Variants in CASQ1 observed in about 807,000 individuals in gnomAD.
CASQ1 encodes calsequestrin 1.
A neutral mutation model predicts 49.5 loss-of-function variants in CASQ1; 40 were observed. The observed-to-expected ratio is 0.81, with a 90% CI of 0.63 to 1.05. CASQ1 has a LOEUF of 1.05. CASQ1 is among the 50% of genes least tolerant of loss of function. The probability of loss-of-function intolerance (pLI) is 0.00; values close to 1 mark genes in which losing one functional copy is unlikely to be tolerated. For missense variants in CASQ1, 469 were observed against 486.9 expected, an observed-to-expected ratio of 0.96 and a Z score of 0.35; for synonymous variants, 174 against 187.2, an observed-to-expected ratio of 0.93 and a Z score of 0.58.
Position 160,193,835 on chromosome 1 carries a change from G to A in CASQ1, c.453G>A (p.Glu151=), listed in dbSNP as rs147525066. The change falls in exon 3 of 11, where the codon GAG becomes GAA. Residue 151 remains glutamate, a synonymous_variant. Transcript: ENST00000368078. ...AGTTTTCTGCTGACACCATCGTGGAGTTTCTGCTTGATGTAAGGACTCCCC... is the reference window on the plus strand; with the variant it reads ...AGTTTTCTGCTGACACCATCGTGGAATTTCTGCTTGATGTAAGGACTCCCC... ...DGEFSADTIV[E]FLLDVLEDPV... is the part of the protein sequence containing the mutation. 5.0e-5 allele frequency: 81 copies of A among 1,611,892 alleles called. No homozygotes were observed. The highest frequency in any genetic ancestry group is 6.7e-5 in the Admixed American group (4 of 59,924).
Position 160,198,668 on chromosome 1 carries a change from C to A in CASQ1, c.829-9C>A. 1.2e-6 allele frequency: 2 copies of A among 1,610,872 alleles called. No homozygotes were observed. Among genetic ancestry groups the A allele is most frequent in the Non-Finnish European group, 1.7e-6 (2 of 1,177,086 alleles). ...CCAAAACCCTGTTCTCCTTCTTACCCCCTGACAGGAGGATGATATGGATGG... is the reference window on the plus strand; with the variant it reads ...CCAAAACCCTGTTCTCCTTCTTACCACCTGACAGGAGGATGATATGGATGG... On this transcript the variant is annotated splice_polypyrimidine_tract_variant and intron_variant, in intron 7 of 10. Coordinates refer to ENST00000368078, the MANE Select transcript of CASQ1 (RefSeq NM_001231.5).
intron 4 of CASQ1, 40 bp downstream of exon 4, chr1:160,195,163 C>T: frequency 8.0e-7 from 1 of 1,250,664 alleles, no homozygotes; most frequent in Non-Finnish European, 1.2e-6. Flanking sequence ...CTCTCTGGAT[C>T]CCCATCTCAC....
Position 160,190,678 on chromosome 1 carries a change from G to A in CASQ1, c.-74G>A, listed in dbSNP as rs1654051173. 12 of 1,453,764 alleles carry A rather than the reference G, an allele frequency of 8.3e-6. No individual in the cohort carries two copies. The highest frequency in any genetic ancestry group is 1.0e-5 in the Non-Finnish European group (11 of 1,069,414). The allele number at this position is 1,453,764 out of a possible 1,614,324, so 90.1% of individuals were successfully genotyped here. A position where few individuals can be genotyped will look rare whatever the true frequency, so the allele number is the denominator to read the frequency against. On this transcript the variant is annotated 5_prime_UTR_variant, in exon 1 of 11. Coordinates refer to ENST00000368078, the MANE Select transcript of CASQ1 (RefSeq NM_001231.5). ...ACTTGAGCCCCTAACTCAGAATCTG[G>A]GACCCAGGGGCCCCTCCCTACCCCA... is the stretch of plus-strand genomic sequence containing the variant.
chr1:160,198,636 GTCT>G (rs770717164), intron 7 of CASQ1, 38 bp from the exon 8 acceptor site: 1 of 1,488,584 alleles, frequency 6.7e-7, no homozygotes, highest in East Asian at 2.3e-5. Flanking sequence ...GTATAGTAAG[GTCT>G]TCTCCAAAAC....
In CASQ1 at chr1:160,190,760, T is replaced by C; in HGVS notation, c.9T>C (p.Ala3=). The change falls in exon 1 of 11, where the codon GCT becomes GCC. Residue 3 remains alanine (A), a synonymous_variant. Coordinates refer to ENST00000368078, the MANE Select transcript of CASQ1 (RefSeq NM_001231.5). ...CAGATCCCACTACCTCCATGAGTGC[T>C]ACAGACAGGATGGGGCCCAGAGCTG... The part of the protein sequence containing the change: MS[A]TDRMGPRAVP... The C allele has an allele frequency of 6.2e-7, 1 of 1,613,866 alleles. No homozygotes were observed. The highest frequency in any genetic ancestry group is 8.5e-7 in the Non-Finnish European group (1 of 1,179,842).
chr1:160,196,998 G>A (rs1654258405), intron 6 of CASQ1, among the ~76,000 whole-genome samples: 1 of 152,146 alleles, frequency 6.6e-6, no homozygotes, highest in Non-Finnish European at 1.5e-5. Context: ...GAATTATCTG[G>A]CTCCAAATGG....
In CASQ1 at chr1:160,199,985, T is replaced by G. The variant is rs1468024673; in HGVS notation, c.1059+60T>G. On this transcript the variant is annotated intron_variant, in intron 10 of 10. Coordinates refer to ENST00000368078, the MANE Select transcript of CASQ1 (RefSeq NM_001231.5). Reference sequence around the variant, plus strand: ...GACTCTACTTCCTAGCATAGCTAGCTCTCCTCCTCTCTGCTAACTAGGAGT... The same window carrying G: ...GACTCTACTTCCTAGCATAGCTAGCGCTCCTCCTCTCTGCTAACTAGGAGT... The G allele has an allele frequency of 2.8e-6, 3 of 1,089,218 alleles. No individual in the cohort carries two copies. The African/African-American group carries it at 4.6e-5, about 17-fold the overall frequency. 67.5% of individuals were successfully genotyped at this position (1,089,218 alleles called of 1,614,324 possible). A position where few individuals can be genotyped will look rare whatever the true frequency, so the allele number is the denominator to read the frequency against.
intron 10 of CASQ1, among the ~76,000 whole-genome samples, chr1:160,200,623 GA>G (rs1308092235): frequency 6.6e-6 from 1 of 152,300 alleles, no homozygotes; most frequent in East Asian, 1.9e-4. Flanking sequence ...TTAAAAACAG[GA>G]AAATGAATAT....
At chr1:160,191,766 T>A (rs1225790252) in intron 1 of CASQ1, among the ~76,000 whole-genome samples, 1 of 152,240 alleles carries the variant, frequency 6.6e-6, no homozygotes, top group Non-Finnish European at 1.5e-5. Context: ...TGTTTGGGAA[T>A]GTGTTCATAC....
rs774892244 is a variant in CASQ1 at position 160,201,331 on chromosome 1, G to A, written c.1146G>A (p.Glu382=). The change falls in exon 11 of 11, where the codon GAG becomes GAA. Residue 382 remains glutamate (E), a synonymous_variant. Coordinates refer to ENST00000368078, the MANE Select transcript of CASQ1 (RefSeq NM_001231.5). ...AGGACTGGCTGGAGGATGTCCTGGA[G>A]GGCGAGATCAACACAGAGGACGATG... is the stretch of plus-strand genomic sequence containing the variant. The part of the protein sequence containing the change: ...ELEDWLEDVL[E]GEINTEDDDD... The A allele has an allele frequency of 1.3e-6, 2 of 1,554,140 alleles. No homozygotes were observed. Among genetic ancestry groups the A allele is most frequent in the African/African-American group, 3.2e-5 (2 of 62,560 alleles).
chr1:160,191,316 T>C (rs1654070913), intron 1 of CASQ1, among the ~76,000 whole-genome samples: 1 of 152,016 alleles, frequency 6.6e-6, no homozygotes, highest in Admixed American at 6.6e-5. Context: ...TGACTTAGGT[T>C]TGGCTAGGAC....
chr1:160,191,468 T>A (rs1018728453), intron 1 of CASQ1, among the ~76,000 whole-genome samples: 3 of 152,128 alleles, frequency 2.0e-5, no homozygotes, highest in African/African-American at 4.8e-5. Flanking sequence ...AGATCCAAAC[T>A]GAGTGTAAAT....
chr1:160,201,358 C>T lies in CASQ1; in HGVS notation c.1173C>T (p.Asp391=), dbSNP rs1553193083. The T allele has an allele frequency of 4.3e-6, 7 of 1,613,876 alleles. No individual in the cohort carries two copies. The South Asian group carries it at 4.4e-5, about 10-fold the overall frequency. ...LEGEINTEDD[D]DDDDD is the part of the protein sequence containing the mutation. ...GCGAGATCAACACAGAGGACGATGA[C>T]GATGATGATGATGACTAGTTGCTAT... The change falls in exon 11 of 11, where the codon GAC becomes GAT. Residue 391 remains aspartate (D), a synonymous_variant. Coordinates refer to ENST00000368078, the MANE Select transcript of CASQ1 (RefSeq NM_001231.5).
At chr1:160,197,542 T>C (rs1203508152) in intron 6 of CASQ1, 27 bp from the exon 7 acceptor site, 2 of 1,583,742 alleles carry the variant, frequency 1.3e-6, no homozygotes, top group East Asian at 4.5e-5. Context: ...ACCCACTGAG[T>C]AATGACACTC....
intron 9 of CASQ1, among the ~76,000 whole-genome samples, chr1:160,199,518 A>T (rs1206947538): frequency 1.3e-5 from 2 of 152,222 alleles, no homozygotes; most frequent in Non-Finnish European, 2.9e-5. Context: ...GCCTTATTTT[A>T]GAAATGTAAG....
Position 160,192,862 on chromosome 1 carries a change from G to A in CASQ1, c.340G>A (p.Asp114Asn). The change falls in exon 2 of 11, where the codon GAT becomes AAT. Residue 114 changes from aspartate to asparagine, a missense_variant. Physicochemically the swap from Asp to Asn is conservative, Grantham distance 23. Coordinates refer to ENST00000368078, the MANE Select transcript of CASQ1 (RefSeq NM_001231.5). ...CTTCGGGCTGGTAGACTCTGAGAAG[G>A]ATGCAGCTGTGGCCAAGAAACTAGG... The part of the protein sequence containing the change: ...VGFGLVDSEK[D>N]AAVAKKLGLT... 1 of 1,613,802 alleles carries A rather than the reference G, an allele frequency of 6.2e-7. No individual in the cohort carries two copies. The highest frequency in any genetic ancestry group is 8.5e-7 in the Non-Finnish European group (1 of 1,179,756).
At chr1:160,192,681 G>C in intron 1 of CASQ1, 121 bp from the exon 2 acceptor site, 1 of 772,470 alleles carries the variant, frequency 1.3e-6, no homozygotes, top group Non-Finnish European at 2.2e-6. Flanking sequence ...TCTTAGCAAA[G>C]GGTCAAGGTC....
At position 160,199,042 on chromosome 1, in the gene CASQ1, G is replaced by T; in HGVS notation, c.973G>T (p.Asp325Tyr). Residue 325 changes from aspartate to tyrosine, a missense_variant, in exon 9 of 11, where the codon GAC (aspartate) becomes TAC (tyrosine). Asp to Tyr is a radical substitution (Grantham distance 160). Transcript: ENST00000368078. ...DLSIIWIDPD[D>Y]FPLLVPYWEK... ...TAGCATCATCTGGATTGACCCTGAT[G>T]ACTTCCCCCTGGTAAGAGGCACAGC... 1 of 1,602,032 alleles carries T rather than the reference G, an allele frequency of 6.2e-7. No homozygotes were observed. Among genetic ancestry groups the T allele is most frequent in the African/African-American group, 1.3e-5 (1 of 74,798 alleles).
At chr1:160,196,982 T>C (rs748917314) in intron 6 of CASQ1, among the ~76,000 whole-genome samples, 4 of 152,166 alleles carry the variant, frequency 2.6e-5, no homozygotes, top group Non-Finnish European at 4.4e-5. Context: ...AGCCCCCTAC[T>C]ACAAAGAATT....
Sources: allele counts gnomAD v4.1 joint callset (sites outside exome capture counted in the v4.1 genomes callset), GRCh38; gene constraint gnomAD v4.1.1; transcripts MANE v1.5; gene names NCBI Gene and HGNC (gene_info 2026-07-23, HGNC 2026-07-21).